The following PCDHA5 variants were observed in gnomAD, a reference collection of about 807,000 sequenced individuals.
The protein encoded by PCDHA5 is protocadherin alpha 5.
A neutral mutation model predicts 61.6 loss-of-function variants in PCDHA5; 43 were observed. The ratio of observed to expected loss-of-function variants is 0.70; its 90% CI spans 0.55 to 0.90. The LOEUF is 0.90. PCDHA5 is among the 40% of genes least tolerant of loss of function. The pLI is 0.00. For missense variants in PCDHA5, 1,298 were observed against 1,222.7 expected (o/e 1.06, Z -0.92); for synonymous variants, 627 against 543.9 (o/e 1.15, Z -2.13).
intron 3 of PCDHA5, among the ~76,000 whole-genome samples, chr5:140,998,223 G>A (rs1554256200): frequency 6.6e-6 from 1 of 152,140 alleles, no homozygotes; most frequent in Non-Finnish European, 1.5e-5. Context: ...ACCACACCCA[G>A]AAATTTGTGC....
At chr5:140,830,353 G>A in intron 1 of PCDHA5, 1 of 1,614,150 alleles carries the variant, frequency 6.2e-7, no homozygotes, top group Non-Finnish European at 8.5e-7. Context: ...CGCAGCAGAG[G>A]CGGCAGAGGG....
chr5:140,881,310 G>A (rs782291557), intron 1 of PCDHA5: 31 of 977,830 alleles, frequency 3.2e-5, no homozygotes, highest in Non-Finnish European at 3.6e-5. Flanking sequence ...TAACCTCCTG[G>A]TTAAATTCTA....
intron 1 of PCDHA5, chr5:140,869,457 T>C: frequency 6.2e-7 from 1 of 1,614,184 alleles, no homozygotes. Context: ...AGGTTTTCCA[T>C]GTGAACGTGG....
At chr5:140,863,467 G>C (rs2048034330) in intron 1 of PCDHA5, 2 of 502,402 alleles carry the variant, frequency 4.0e-6, no homozygotes, top group Non-Finnish European at 7.8e-6. Context: ...TTTTACTCTG[G>C]AGAGTCGCCT....
At chr5:140,989,865 C>T (rs1209207256) in intron 3 of PCDHA5, among the ~76,000 whole-genome samples, 1 of 152,034 alleles carries the variant, frequency 6.6e-6, no homozygotes, top group Non-Finnish European at 1.5e-5. Flanking sequence ...AGGAATCTTT[C>T]TCTGCCTCAG....
chr5:140,996,636 T>G (rs561950169), intron 3 of PCDHA5, among the ~76,000 whole-genome samples: 17 of 152,346 alleles, frequency 1.1e-4, no homozygotes, highest in Middle Eastern at 6.8e-3. Context: ...CTGCAAATTA[T>G]GTAGTTAATC....
intron 1 of PCDHA5, chr5:140,869,867 C>T (rs1554163562): frequency 6.2e-7 from 1 of 1,609,988 alleles, no homozygotes; most frequent in East Asian, 2.2e-5. Flanking sequence ...ATGGAAAATG[C>T]TGCTAAAGAA....
chr5:140,937,869 G>C (rs1268422806), intron 1 of PCDHA5, among the ~76,000 whole-genome samples: 1 of 150,376 alleles, frequency 6.6e-6, no homozygotes, highest in South Asian at 2.1e-4. Context: ...CCGAGATCGC[G>C]CCACTGCACT....
chr5:140,858,291 A>C (rs782112368), intron 1 of PCDHA5: 1 of 1,597,182 alleles, frequency 6.3e-7, no homozygotes, highest in South Asian at 1.1e-5. Flanking sequence ...AGCTGGTCTT[A>C]CTCGCAGCAG....
At chr5:140,996,087 G>C (rs1178912945) in intron 3 of PCDHA5, among the ~76,000 whole-genome samples, 3 of 152,200 alleles carry the variant, frequency 2.0e-5, no homozygotes, top group Non-Finnish European at 4.4e-5. Flanking sequence ...GTTTTTGCTA[G>C]ATTACATGGA....
At chr5:140,833,939 G>A (rs1772729050) in intron 1 of PCDHA5, among the ~76,000 whole-genome samples, 1 of 151,992 alleles carries the variant, frequency 6.6e-6, no homozygotes, top group African/African-American at 2.4e-5. Context: ...TGTCACTTAG[G>A]TTTCTATCTT....
intron 1 of PCDHA5, among the ~76,000 whole-genome samples, chr5:140,846,515 C>T (rs2150391789): frequency 6.8e-6 from 1 of 147,842 alleles, no homozygotes; most frequent in Non-Finnish European, 1.5e-5. Flanking sequence ...GCTGGGATTA[C>T]AGGTGCATGC....
chr5:140,845,492 G>T lies in PCDHA5; in HGVS notation c.2352+21365G>T, dbSNP rs2150379266. ...ATTTGGGGTTGTGCTTTCACAGTGA[G>T]AAAGTCTAAACCTATTTCTTGTACA... On this transcript the variant is annotated intron_variant, in intron 1 of 3. Coordinates refer to ENST00000529859, the MANE Select transcript of PCDHA5 (RefSeq NM_018908.3). Among the ~76,000 whole-genome samples, 111 of 149,698 alleles carry T rather than the reference G, an allele frequency of 7.4e-4. 5 individuals are homozygous for T. Among genetic ancestry groups the T allele is most frequent in the African/African-American group, 2.6e-3 (108 of 41,006 alleles).
Position 140,821,833 on chromosome 5 carries a change from C to A in PCDHA5, c.58C>A (p.Leu20Ile). The A allele has an allele frequency of 6.2e-7, 1 of 1,614,122 alleles. No individual in the cohort carries two copies. Among genetic ancestry groups the A allele is most frequent in the Non-Finnish European group, 8.5e-7 (1 of 1,180,000 alleles). Residue 20 changes from leucine (L) to isoleucine (I), a missense_variant, in exon 1 of 4, where the codon CTT (leucine) becomes ATT (isoleucine). Transcript: ENST00000529859. ...GSRLLLLWLL[L>I]AYWKAGSGQL... Reference sequence around the variant, plus strand: ...CCGGCTCCTGCTGCTCTGGCTTCTCCTTGCCTACTGGAAGGCAGGGAGCGG... The same window carrying A: ...CCGGCTCCTGCTGCTCTGGCTTCTCATTGCCTACTGGAAGGCAGGGAGCGG...
At position 140,822,616 on chromosome 5, in the gene PCDHA5, A is replaced by G. The variant is rs1554128752; in HGVS notation, c.841A>G (p.Ser281Gly). ...CAATAAGGAAATAGTGTATTTCTTT[A>G]GTAATCTTGTTCTTGACGATGTAAA... ...GINKEIVYFFSNLVLDDVKSK... is the reference protein window; with the variant it reads ...GINKEIVYFFGNLVLDDVKSK... The change falls in exon 1 of 4, where the codon AGT becomes GGT. Residue 281 changes from serine (S) to glycine (G), a missense_variant. Ser to Gly is a moderately conservative substitution (Grantham distance 56). Coordinates refer to ENST00000529859, the MANE Select transcript of PCDHA5 (RefSeq NM_018908.3). 2 of 1,611,568 alleles carry G rather than the reference A, an allele frequency of 1.2e-6. No homozygotes were observed. The highest frequency in any genetic ancestry group is 1.7e-6 in the Non-Finnish European group (2 of 1,178,090).
chr5:140,983,218 C>T (rs757778991), intron 3 of PCDHA5, among the ~76,000 whole-genome samples: 10 of 152,128 alleles, frequency 6.6e-5, no homozygotes, highest in Non-Finnish European at 1.5e-4. Flanking sequence ...ATTTCCTAAT[C>T]CAAACTTTCA....
chr5:140,837,369 A>T (rs1477721585), intron 1 of PCDHA5, among the ~76,000 whole-genome samples: 2 of 151,978 alleles, frequency 1.3e-5, no homozygotes, highest in Non-Finnish European at 2.9e-5. Flanking sequence ...GTTTAATAGT[A>T]TTTTTTATTT....
Position 141,009,628 on chromosome 5 carries a change from A to G in PCDHA5, c.2502A>G (p.Glu834=), listed in dbSNP as rs1441195912. The G allele has an allele frequency of 1.2e-6, 2 of 1,613,000 alleles. No individual in the cohort carries two copies. The highest frequency in any genetic ancestry group is 2.2e-5 in the East Asian group (1 of 44,852). Residue 834 remains glutamate, a splice_region_variant and synonymous_variant, in exon 4 of 4, where the codon GAA becomes GAG. Coordinates refer to ENST00000529859, the MANE Select transcript of PCDHA5 (RefSeq NM_018908.3). ...GATTTGTAATGTTTTGTCTTTCAGA[A>G]CCAGAGGCAGGAGAAGTGTCCCCTC... is the stretch of plus-strand genomic sequence containing the variant. ...QWPTVSSATP[E]PEAGEVSPPV...
chr5:140,933,833 A>G (rs944428844), intron 1 of PCDHA5, among the ~76,000 whole-genome samples: 1 of 151,928 alleles, frequency 6.6e-6, no homozygotes, highest in East Asian at 1.9e-4. Flanking sequence ...TATTGCTCCT[A>G]TTTCATTCCT....
Sources: allele counts gnomAD v4.1 joint callset (sites outside exome capture counted in the v4.1 genomes callset), GRCh38; gene constraint gnomAD v4.1.1; transcripts MANE v1.5; gene names NCBI Gene and HGNC (gene_info 2026-07-23, HGNC 2026-07-21).